The following CLCN3 variants were observed in gnomAD, a reference collection of about 807,000 sequenced individuals.
CLCN3 encodes Cl-/H+ antiporter 3.
A neutral mutation model predicts 83.4 loss-of-function variants in CLCN3; 16 were observed. The observed-to-expected ratio is 0.19, with a 90% CI of 0.13 to 0.29. The LOEUF (loss-of-function observed/expected upper bound fraction) is 0.29. Ranked by LOEUF, CLCN3 falls within the 10% of genes least tolerant of loss-of-function variation. CLCN3 has a pLI of 1.00. For missense variants in CLCN3, 544 were observed against 1,006.0 expected (o/e 0.54, Z 6.21); for synonymous variants, 322 against 346.2 (o/e 0.93, Z 0.78).
chr4:169,636,558 G>T (rs72694742), intron 2 of CLCN3, among the ~76,000 whole-genome samples: 11,280 of 152,048 alleles, frequency 0.074, 466 homozygotes, highest in African/African-American at 0.12. Context: ...TAAACTTTAT[G>T]TATGTGGAAT....
chr4:169,686,365 G>C (rs573298815), intron 3 of CLCN3, among the ~76,000 whole-genome samples: 3 of 149,924 alleles, frequency 2.0e-5, no homozygotes, highest in Non-Finnish European at 4.4e-5. Flanking sequence ...TTGAATTCCA[G>C]CTGTAGCCCT....
chr4:169,694,270 A>C (rs1309500972), intron 7 of CLCN3, among the ~76,000 whole-genome samples: 1 of 152,162 alleles, frequency 6.6e-6, no homozygotes, highest in African/African-American at 2.4e-5. Flanking sequence ...GTATATATTT[A>C]CTCAGTCCTT....
At chr4:169,640,008 G>A (rs17055059) in intron 2 of CLCN3, among the ~76,000 whole-genome samples, 11,348 of 152,124 alleles carry the variant, frequency 0.075, 734 homozygotes, top group African/African-American at 0.18. Context: ...GTACAACATA[G>A]TAGTAAACTC....
intron 1 of CLCN3, among the ~76,000 whole-genome samples, chr4:169,627,247 A>T (rs1773258070): frequency 6.6e-6 from 1 of 152,146 alleles, no homozygotes; most frequent in Non-Finnish European, 1.5e-5. Flanking sequence ...TGATGCTTTT[A>T]TGCTGTTGCG....
Position 169,671,534 on chromosome 4 carries a change from C to T in CLCN3, c.161-8516C>T, listed in dbSNP as rs529144734. Among the ~76,000 whole-genome samples the T allele has an allele frequency of 1.1e-4, 17 of 152,184 alleles. 1 individual carries two copies. The South Asian group carries it at 3.5e-3, about 32-fold the overall frequency. The stretch of plus-strand genomic sequence containing the variant: ...AACCTAAACGATGGGTTGGTAAGTG[C>T]AGCAAACCACCATGGCACATGTGCA... On this transcript the variant is annotated intron_variant, in intron 2 of 12. Transcript: ENST00000513761.
chr4:169,651,267 A>C (rs1730724604), intron 2 of CLCN3, among the ~76,000 whole-genome samples: 1 of 152,156 alleles, frequency 6.6e-6, no homozygotes, highest in African/African-American at 2.4e-5. Flanking sequence ...GATGCGACAA[A>C]TTAACTTTTC....
At chr4:169,655,432 T>C (rs1335168756) in intron 2 of CLCN3, among the ~76,000 whole-genome samples, 1 of 152,226 alleles carries the variant, frequency 6.6e-6, no homozygotes, top group Non-Finnish European at 1.5e-5. Flanking sequence ...AGGAATTGTT[T>C]AGGCATTAAA....
chr4:169,696,067 G>T (rs1414369313), intron 8 of CLCN3, among the ~76,000 whole-genome samples: 1 of 151,868 alleles, frequency 6.6e-6, no homozygotes, highest in Non-Finnish European at 1.5e-5. Context: ...CTGTTTTTTT[G>T]TGGGGTTTTT....
chr4:169,654,099 A>G (rs773882245), intron 2 of CLCN3, among the ~76,000 whole-genome samples: 1 of 152,106 alleles, frequency 6.6e-6, no homozygotes, highest in Non-Finnish European at 1.5e-5. Flanking sequence ...AGGGCTCATT[A>G]TATATAGGAG....
intron 11 of CLCN3, among the ~76,000 whole-genome samples, chr4:169,709,814 TA>T (rs1163545772): frequency 2.0e-5 from 3 of 152,174 alleles, no homozygotes; most frequent in Admixed American, 6.6e-5. Context: ...GTTCCTTATT[TA>T]AAAGGCCCTT....
intron 2 of CLCN3, among the ~76,000 whole-genome samples, chr4:169,649,815 G>T (rs1730681974): frequency 1.3e-5 from 2 of 152,192 alleles, no homozygotes; most frequent in African/African-American, 4.8e-5. Flanking sequence ...TGGGCGCGGT[G>T]GCTCATGCCT....
intron 1 of CLCN3, among the ~76,000 whole-genome samples, chr4:169,632,957 A>C (rs1445602092): frequency 6.6e-6 from 1 of 152,050 alleles, no homozygotes; most frequent in Admixed American, 6.6e-5. Context: ...TAATATAGGA[A>C]TTTATTAGGT....
At chr4:169,659,581 A>G (rs1346439130) in intron 2 of CLCN3, among the ~76,000 whole-genome samples, 2 of 152,170 alleles carry the variant, frequency 1.3e-5, no homozygotes, top group Non-Finnish European at 2.9e-5. Context: ...CTCAAAAGCT[A>G]CAATGTCTTA....
chr4:169,717,878 A>G (rs1733485613), intron 12 of CLCN3: 3 of 1,575,936 alleles, frequency 1.9e-6, no homozygotes, highest in Admixed American at 1.7e-5. Context: ...GTGATTAGAT[A>G]TATCAGATCT....
chr4:169,703,928 C>A, intron 9 of CLCN3, 70 bp from the exon 10 acceptor site: 4 of 1,399,228 alleles, frequency 2.9e-6, no homozygotes, highest in Non-Finnish European at 3.0e-6. Context: ...GAAATAAATG[C>A]ATAGAATGTA....
At chr4:169,660,556 G>A (rs539311033) in intron 2 of CLCN3, 11 of 653,876 alleles carry the variant, frequency 1.7e-5, no homozygotes, top group African/African-American at 1.3e-4. Flanking sequence ...ACTGCAGTAC[G>A]TTGTTTAGTT....
At chr4:169,706,832 T>C (rs1733012642) in intron 10 of CLCN3, 36 bp from the exon 11 acceptor site, 3 of 1,563,620 alleles carry the variant, frequency 1.9e-6, no homozygotes, top group African/African-American at 2.7e-5. Context: ...ATGAGGATCC[T>C]GTCCTTCCTG....
chr4:169,666,755 T>C (rs1339690349), intron 2 of CLCN3, among the ~76,000 whole-genome samples: 3 of 152,218 alleles, frequency 2.0e-5, no homozygotes, highest in Non-Finnish European at 4.4e-5. Context: ...AGAGTTTGAA[T>C]CCCTGTTCTA....
intron 2 of CLCN3, among the ~76,000 whole-genome samples, chr4:169,653,926 A>G (rs1461760038): frequency 1.3e-5 from 2 of 152,000 alleles, no homozygotes; most frequent in East Asian, 3.9e-4. Flanking sequence ...TGAAACAAAC[A>G]CCCACTAAGC....
Sources: gnomAD v4.1 joint callset for allele counts (sites outside exome capture counted in the v4.1 genomes callset) on GRCh38, gnomAD v4.1.1 for gene constraint, MANE v1.5 for transcripts, NCBI Gene and HGNC (gene_info 2026-07-23, HGNC 2026-07-21) for gene names.